TMEM132C: variants seen among roughly 807,000 people sequenced by gnomAD.
TMEM132C encodes protein phosphatase 1, regulatory subunit 152.
A neutral mutation model predicts 61.4 loss-of-function variants in TMEM132C; 29 were observed. The ratio of observed to expected loss-of-function variants is 0.47; its 90% CI spans 0.35 to 0.64. TMEM132C has a LOEUF of 0.64. TMEM132C is among the 30% of genes least tolerant of loss of function. The pLI is 0.00. For missense variants in TMEM132C, 1,408 were observed against 1,476.9 expected (o/e 0.95, Z 0.76); for synonymous variants, 656 against 633.1 (o/e 1.04, Z -0.54).
chr12:128,417,478 A>G (rs933705970), intron 2 of TMEM132C, among the ~76,000 whole-genome samples: 2 of 152,140 alleles, frequency 1.3e-5, no homozygotes, highest in African/African-American at 4.8e-5. Flanking sequence ...TTTTCATCAC[A>G]AAGATAGGCA....
At chr12:128,650,389 A>G (rs1954256065) in intron 4 of TMEM132C, among the ~76,000 whole-genome samples, 1 of 152,054 alleles carries the variant, frequency 6.6e-6, no homozygotes. Flanking sequence ...GGCCATTGCT[A>G]TTGTAAGACT....
chr12:128,544,392 G>A (rs781668919), intron 3 of TMEM132C, among the ~76,000 whole-genome samples: 2 of 152,212 alleles, frequency 1.3e-5, no homozygotes, highest in Middle Eastern at 3.2e-3. Flanking sequence ...CTGACTTTCT[G>A]GGGGCCTTGC....
chr12:128,676,436 T>C (rs574162460), intron 5 of TMEM132C, among the ~76,000 whole-genome samples: 39 of 152,176 alleles, frequency 2.6e-4, no homozygotes, highest in Non-Finnish European at 5.1e-4. Flanking sequence ...GTATTTTTTC[T>C]GATTATATAA....
chr12:128,317,167 T>C (rs1872179521), intron 1 of TMEM132C, among the ~76,000 whole-genome samples: 1 of 152,216 alleles, frequency 6.6e-6, no homozygotes, highest in African/African-American at 2.4e-5. Flanking sequence ...TCTACTGACC[T>C]GCACCAAATG....
intron 1 of TMEM132C, among the ~76,000 whole-genome samples, chr12:128,306,403 C>T (rs1285349113): frequency 3.3e-5 from 5 of 151,900 alleles, no homozygotes; most frequent in African/African-American, 4.8e-5. Flanking sequence ...GGGGTTTCAT[C>T]GTGTTAGCCA....
At chr12:128,378,919 A>G (rs1786053783) in intron 1 of TMEM132C, among the ~76,000 whole-genome samples, 1 of 152,324 alleles carries the variant, frequency 6.6e-6, no homozygotes, top group African/African-American at 2.4e-5. Flanking sequence ...TGATGATTTT[A>G]TAAGGAGCTT....
chr12:128,381,857 C>T (rs573368917), intron 1 of TMEM132C, among the ~76,000 whole-genome samples: 255 of 152,246 alleles, frequency 1.7e-3, no homozygotes, highest in South Asian at 0.011. Context: ...CAATGAAAAG[C>T]GGTGGGCAGT....
Position 128,278,996 on chromosome 12 carries a change from C to T in TMEM132C, c.85+11509C>T, listed in dbSNP as rs987362815. Among the ~76,000 whole-genome samples the T allele has an allele frequency of 7.9e-5, 12 of 152,124 alleles. No homozygotes were observed. Among genetic ancestry groups the T allele is most frequent in the Non-Finnish European group, 1.3e-4 (9 of 68,030 alleles). On this transcript the variant is annotated intron_variant, in intron 1 of 8. Coordinates refer to ENST00000435159, the MANE Select transcript of TMEM132C (RefSeq NM_001136103.3). The surrounding 1 kb of genome is among the most constrained non-coding windows in gnomAD (Gnocchi z 4.2). ...GTCTCCAGCCTGCCAGCCCACCCTA[C>T]AGATTTTGGACTTGCCAGACTCCAT...
chr12:128,629,359 A>T (rs1034543920), intron 4 of TMEM132C, among the ~76,000 whole-genome samples: 15 of 151,558 alleles, frequency 9.9e-5, no homozygotes, highest in Middle Eastern at 3.4e-3. Flanking sequence ...TGCAAAAAAA[A>T]TTTTTTAAAA....
At chr12:128,464,373 G>C (rs1237724150) in intron 2 of TMEM132C, among the ~76,000 whole-genome samples, 1 of 152,190 alleles carries the variant, frequency 6.6e-6, no homozygotes, top group Non-Finnish European at 1.5e-5. Context: ...TTCAGCATGA[G>C]CCAGGTCCCC....
chr12:128,604,230 T>C (rs1349152389), intron 3 of TMEM132C, among the ~76,000 whole-genome samples: 1 of 152,070 alleles, frequency 6.6e-6, no homozygotes, highest in East Asian at 1.9e-4. Flanking sequence ...GATTGATGAA[T>C]AGATTGGATG....
At chr12:128,618,786 A>G (rs1040809505) in intron 4 of TMEM132C, among the ~76,000 whole-genome samples, 5 of 152,198 alleles carry the variant, frequency 3.3e-5, no homozygotes, top group Non-Finnish European at 5.9e-5. Context: ...TGGTGAGTCC[A>G]TTATCTATTT....
intron 3 of TMEM132C, among the ~76,000 whole-genome samples, chr12:128,592,348 A>G (rs562523269): frequency 5.9e-5 from 9 of 152,336 alleles, no homozygotes; most frequent in Admixed American, 5.2e-4. Flanking sequence ...CCCCAGGGGA[A>G]CAGAAGCTCC....
At chr12:128,639,174 ATGATGGTGG>A (rs1471043307) in intron 4 of TMEM132C, among the ~76,000 whole-genome samples, 1 of 121,776 alleles carries the variant, frequency 8.2e-6, no homozygotes, top group East Asian at 2.7e-4. Context: ...GGTGATGGTG[ATGATGGTGG>A]TGATGGTGAT....
chr12:128,656,652 CA>C (rs931262997), intron 4 of TMEM132C, among the ~76,000 whole-genome samples: 8 of 152,162 alleles, frequency 5.3e-5, no homozygotes, highest in Non-Finnish European at 2.9e-5. Flanking sequence ...GGGTAGAGCC[CA>C]AAAATTTGCA....
At chr12:128,682,860 CA>C (rs1368108228) in intron 5 of TMEM132C, among the ~76,000 whole-genome samples, 1 of 152,212 alleles carries the variant, frequency 6.6e-6, no homozygotes, top group African/African-American at 2.4e-5. Flanking sequence ...CTCCAGGGAA[CA>C]ATCCCAGGCA....
chr12:128,679,006 G>T (rs750396947), intron 5 of TMEM132C, among the ~76,000 whole-genome samples: 2 of 152,184 alleles, frequency 1.3e-5, no homozygotes, highest in Non-Finnish European at 2.9e-5. Flanking sequence ...TCTTGGGGAA[G>T]TCAACCTCTC....
intron 1 of TMEM132C, among the ~76,000 whole-genome samples, chr12:128,319,601 G>A (rs1872262442): frequency 6.6e-6 from 1 of 152,098 alleles, no homozygotes; most frequent in Non-Finnish European, 1.5e-5. Flanking sequence ...GCCGAGATGG[G>A]CGGATCACAG....
intron 1 of TMEM132C, among the ~76,000 whole-genome samples, chr12:128,411,299 G>T (rs1482566348): frequency 6.6e-6 from 1 of 152,184 alleles, no homozygotes; most frequent in South Asian, 2.1e-4. Flanking sequence ...TCACCGGATA[G>T]TTTTAGCATC....
Sources: allele counts gnomAD v4.1 joint callset (sites outside exome capture counted in the v4.1 genomes callset), GRCh38; gene constraint gnomAD v4.1.1; non-coding constraint Gnocchi (gnomAD v3.1); transcripts MANE v1.5; gene names NCBI Gene and HGNC (gene_info 2026-07-23, HGNC 2026-07-21).